The following CCDC73 variants were observed in gnomAD, a reference collection of about 807,000 sequenced individuals.
CCDC73 encodes the protein coiled-coil domain-containing protein 73.
In CCDC73, 95 loss-of-function variants were observed where a neutral mutation model predicts 116.5. That is an observed-to-expected ratio of 0.82 (90% CI 0.69 to 0.97). The LOEUF is 0.97. Among genes scored for constraint, CCDC73 ranks in the 50% least tolerant of loss-of-function variants. The pLI is 0.00. For missense variants in CCDC73, 1,066 were observed against 1,206.8 expected (o/e 0.88, Z 1.73); for synonymous variants, 398 against 401.3 (o/e 0.99, Z 0.10).
chr11:32,811,385 T>C, the CCDC73 span, among the ~76,000 whole-genome samples: 3 of 148,506 alleles, frequency 2.0e-5, no homozygotes, highest in African/African-American at 7.9e-5. Flanking sequence ...CTAACTTTCA[T>C]TTTCACTCAA....
At chr11:32,745,745 G>GTTTTTTTTTTTTTTTTTTGT (rs140610634) in intron 2 of CCDC73, among the ~76,000 whole-genome samples, 1 of 113,914 alleles carries the variant, frequency 8.8e-6, no homozygotes, top group Non-Finnish European at 1.8e-5. Flanking sequence ...GTTTGTTTTG[G>GTTTTTTTTTTTTTTTTTTGT]TTTTTTTTTT....
At chr11:32,763,792 G>A (rs1364885547) in intron 1 of CCDC73, among the ~76,000 whole-genome samples, 2 of 152,140 alleles carry the variant, frequency 1.3e-5, no homozygotes, top group African/African-American at 4.8e-5. Flanking sequence ...GAGAGAAGAA[G>A]GCTTCAGATG....
chr11:32,734,954 T>G (rs964787273), intron 2 of CCDC73, among the ~76,000 whole-genome samples: 12 of 152,136 alleles, frequency 7.9e-5, no homozygotes, highest in African/African-American at 2.9e-4. Context: ...AAAAGGCCTT[T>G]GACAAAATTC....
intron 2 of CCDC73, among the ~76,000 whole-genome samples, chr11:32,736,255 T>C (rs1850127983): frequency 6.6e-6 from 1 of 152,136 alleles, no homozygotes; most frequent in African/African-American, 2.4e-5. Context: ...TTTTGCAATC[T>C]ACTCATCTGA....
At chr11:32,760,341 C>T (rs536620351) in intron 1 of CCDC73, 83 bp from the exon 2 acceptor site, 1 of 773,540 alleles carries the variant, frequency 1.3e-6, no homozygotes, top group South Asian at 1.9e-5. Flanking sequence ...AATATAACAA[C>T]CTGTATCCCA....
At chr11:32,734,585 TTGTGTCCC>T (rs1249389258) in intron 2 of CCDC73, among the ~76,000 whole-genome samples, 1 of 152,084 alleles carries the variant, frequency 6.6e-6, no homozygotes, top group African/African-American at 2.4e-5. Context: ...TCCGCAGTGT[TTGTGTCCC>T]TGGGTACTTG....
chr11:32,812,923 G>A, the CCDC73 span, among the ~76,000 whole-genome samples: 4 of 152,100 alleles, frequency 2.6e-5, no homozygotes, highest in Non-Finnish European at 4.4e-5. Flanking sequence ...AACCACAGTC[G>A]AATACCTATG....
chr11:32,616,719 CAT>C (rs1275543778), intron 14 of CCDC73, among the ~76,000 whole-genome samples: 13 of 152,182 alleles, frequency 8.5e-5, no homozygotes, highest in African/African-American at 3.1e-4. Context: ...ATATTGAGCA[CAT>C]GTTACATGTG....
intron 3 of CCDC73, among the ~76,000 whole-genome samples, chr11:32,712,164 C>T (rs905134782): frequency 6.6e-6 from 1 of 152,090 alleles, no homozygotes. Context: ...AGTCTACTAA[C>T]AGGAAGACAA....
intron 7 of CCDC73, chr11:32,682,272 T>C (rs1289447110): frequency 1.3e-5 from 2 of 151,966 alleles, no homozygotes; most frequent in Non-Finnish European, 2.9e-5. Context: ...AAAACCACTG[T>C]AGCGTTGAAG....
At chr11:32,612,425 T>C (rs1855430203) in intron 16 of CCDC73, among the ~76,000 whole-genome samples, 2 of 151,892 alleles carry the variant, frequency 1.3e-5, no homozygotes, top group Admixed American at 1.3e-4. Flanking sequence ...CAATTCATGA[T>C]AATCTAGTAT....
In CCDC73 at chr11:32,780,336, T is replaced by G. The variant is rs568217304; in HGVS notation, c.-16+14277A>C. On this transcript the variant is annotated intron_variant, in intron 1 of 17. Coordinates refer to ENST00000335185, the MANE Select transcript of CCDC73 (RefSeq NM_001008391.4). ...TATTTACCTATAAAATTAGCCGAAG[T>G]TTTTTAAAAATAAGAGTACTGTGCT... Among the ~76,000 whole-genome samples the G allele has an allele frequency of 1.1e-4, 16 of 151,896 alleles. No homozygotes were observed. In the South Asian group the frequency reaches 3.1e-3, roughly 30 times the overall value.
intron 17 of CCDC73, among the ~76,000 whole-genome samples, chr11:32,607,815 A>G (rs962646441): frequency 9.3e-5 from 13 of 139,600 alleles, no homozygotes; most frequent in African/African-American, 3.3e-4. Context: ...AGACTGGAAA[A>G]AAAAAGATAG....
intron 1 of CCDC73, among the ~76,000 whole-genome samples, chr11:32,780,389 G>A (rs959451689): frequency 6.6e-6 from 1 of 151,868 alleles, no homozygotes; most frequent in African/African-American, 2.4e-5. Context: ...TTGTAAAAGA[G>A]GCATTCAAAT....
At chr11:32,638,749 T>C (rs1462296211) in intron 13 of CCDC73, among the ~76,000 whole-genome samples, 3 of 152,158 alleles carry the variant, frequency 2.0e-5, no homozygotes, top group Admixed American at 6.5e-5. Context: ...AGTGCTGGTA[T>C]TACAGGCATG....
At chr11:32,745,719 G>C (rs1259958621) in intron 2 of CCDC73, among the ~76,000 whole-genome samples, 2 of 95,752 alleles carry the variant, frequency 2.1e-5, no homozygotes, top group South Asian at 6.9e-4. Context: ...CCTGGTTTTT[G>C]TTTTTTTGTT....
chr11:32,694,566 C>T (rs757593584), intron 6 of CCDC73, among the ~76,000 whole-genome samples: 6 of 152,002 alleles, frequency 3.9e-5, no homozygotes, highest in Non-Finnish European at 8.8e-5. Context: ...GCACATTGTG[C>T]ACATGTACCT....
chr11:32,689,600 A>G (rs1856235580), intron 6 of CCDC73, among the ~76,000 whole-genome samples: 1 of 152,142 alleles, frequency 6.6e-6, no homozygotes, highest in Non-Finnish European at 1.5e-5. Context: ...GCAGATTTTT[A>G]AAAGCACCAA....
At chr11:32,616,854 A>G (rs1855479054) in intron 14 of CCDC73, among the ~76,000 whole-genome samples, 1 of 152,202 alleles carries the variant, frequency 6.6e-6, no homozygotes, top group South Asian at 2.1e-4. Flanking sequence ...GGATGTGGTA[A>G]GTGCTCTGAT....
Sources: gnomAD v4.1 joint callset for allele counts (sites outside exome capture counted in the v4.1 genomes callset) on GRCh38, gnomAD v4.1.1 for gene constraint, MANE v1.5 for transcripts, NCBI Gene and HGNC (gene_info 2026-07-23, HGNC 2026-07-21) for gene names.